MAPT: variants seen among roughly 807,000 people sequenced by gnomAD.
MAPT encodes the protein microtubule-associated protein tau.
A neutral mutation model predicts 67.9 loss-of-function variants in MAPT; 34 were observed. The observed-to-expected ratio is 0.50, with a 90% CI of 0.38 to 0.67. The LOEUF (loss-of-function observed/expected upper bound fraction) is 0.67, where lower values mean the gene tolerates loss of function less well. MAPT is among the 30% of genes least tolerant of loss of function. The pLI is 0.00. For missense variants in MAPT, 881 were observed against 1,115.2 expected, an observed-to-expected ratio of 0.79 and a Z score of 2.99; for synonymous variants, 456 against 464.5, an observed-to-expected ratio of 0.98 and a Z score of 0.23.
At position 45,896,686 on chromosome 17, in the gene MAPT, G is replaced by A. The variant is rs2063258610; in HGVS notation, c.-18+2000G>A. 3 of 152,208 alleles carry A rather than the reference G, an allele frequency of 2.0e-5. No homozygotes were observed. The highest frequency in any genetic ancestry group is 7.2e-5 in the African/African-American group (3 of 41,434). The allele number at this position is 152,208 out of a possible 1,614,324, so 9.4% of individuals were successfully genotyped here. ...TGAGGCTGTTTCTGATTGGCCCCTG[G>A]AGGCCGCAGACACGCAGATAGGCGG... On this transcript the variant is annotated intron_variant, in intron 1 of 12. Coordinates refer to ENST00000262410, the MANE Select transcript of MAPT (RefSeq NM_001377265.1). This position sits in a 1 kb window ranked among gnomAD's most constrained non-coding sequence, Gnocchi z 5.6.
intron 1 of MAPT, among the ~76,000 whole-genome samples, chr17:45,943,140 G>T (rs184228786): frequency 6.6e-6 from 1 of 152,156 alleles, no homozygotes; most frequent in Admixed American, 6.5e-5. Context: ...TGCAACCTCC[G>T]CCTCCCAGGT....
rs1182534991 is a variant in MAPT at position 45,989,408 on chromosome 17, T to C, written c.1408-470T>C. On this transcript the variant is annotated intron_variant, in intron 6 of 12. Transcript: ENST00000262410. ...GCTCACGCCTGTAATCCCAGCACTT[T>C]GGGAGGCCGAGACGGGTGGATCACG... is the stretch of plus-strand genomic sequence containing the variant. Among the ~76,000 whole-genome samples, 4 of 152,084 alleles carry C rather than the reference T, an allele frequency of 2.6e-5. No individual in the cohort carries two copies. The East Asian group carries it at 7.7e-4, about 29-fold the overall frequency.
chr17:45,912,647 A>G (rs562447603), intron 1 of MAPT, among the ~76,000 whole-genome samples: 2 of 152,318 alleles, frequency 1.3e-5, no homozygotes, highest in South Asian at 4.1e-4. Context: ...GAGGGAATGA[A>G]TATCTGTTGT....
At chr17:45,923,289 T>A (rs1347969943) in intron 1 of MAPT, among the ~76,000 whole-genome samples, 2 of 152,152 alleles carry the variant, frequency 1.3e-5, no homozygotes, top group Non-Finnish European at 2.9e-5. Context: ...CCTTTGAGAA[T>A]CAGAGAACTA....
intron 1 of MAPT, among the ~76,000 whole-genome samples, chr17:45,917,090 A>G (rs887080551): frequency 3.9e-5 from 6 of 152,246 alleles, no homozygotes; most frequent in African/African-American, 1.4e-4. Flanking sequence ...TGTTTTACAC[A>G]TGCGTCCCCT....
chr17:45,978,344 AC>A (rs1270393400), intron 3 of MAPT, 30 bp from the exon 4 acceptor site: 5 of 1,566,614 alleles, frequency 3.2e-6, no homozygotes, highest in African/African-American at 1.4e-5. Context: ...TCTTGCTTTT[AC>A]CCCCCTTCAT....
intron 12 of MAPT, among the ~76,000 whole-genome samples, chr17:46,022,353 C>CAAAAAA (rs56222318): frequency 3.3e-5 from 3 of 89,640 alleles, no homozygotes; most frequent in African/African-American, 1.4e-4. Context: ...ATCTTTGTCT[C>CAAAAAA]AAAAAAAAAA....
At chr17:45,986,478 A>T (rs2073553043) in intron 5 of MAPT, among the ~76,000 whole-genome samples, 1 of 152,224 alleles carries the variant, frequency 6.6e-6, no homozygotes, top group South Asian at 2.1e-4. Flanking sequence ...GGTTCCAGGC[A>T]GTTTCCAAGG....
At chr17:45,903,178 G>T (rs967099385) in intron 1 of MAPT, among the ~76,000 whole-genome samples, 2 of 152,160 alleles carry the variant, frequency 1.3e-5, no homozygotes, top group Non-Finnish European at 2.9e-5. Context: ...TCATGGAACC[G>T]TGGGACGGTG....
At chr17:45,918,090 C>G (rs1304274937) in intron 1 of MAPT, among the ~76,000 whole-genome samples, 1 of 152,086 alleles carries the variant, frequency 6.6e-6, no homozygotes, top group African/African-American at 2.4e-5. Flanking sequence ...TTTCATTTTT[C>G]TGTCTGCTTT....
Position 45,962,754 on chromosome 17 carries a change from C to T in MAPT, c.133+284C>T, listed in dbSNP as rs55780945. On this transcript the variant is annotated intron_variant, in intron 2 of 12. Transcript: ENST00000262410. Reference sequence around the variant, plus strand: ...CGGCCTGGGCAACATAGCAAGACCCCGTCTCTAAAATAATTTAAAAATTAG... The same window carrying T: ...CGGCCTGGGCAACATAGCAAGACCCTGTCTCTAAAATAATTTAAAAATTAG... Among the ~76,000 whole-genome samples the T allele has an allele frequency of 0.14, 21,785 of 151,944 alleles. 2,131 individuals carry two copies. The highest frequency in any genetic ancestry group is 0.22 in the Non-Finnish European group (14,749 of 67,934).
chr17:46,001,835 C>A (rs1003389081), intron 9 of MAPT, among the ~76,000 whole-genome samples: 6 of 152,124 alleles, frequency 3.9e-5, no homozygotes, highest in Admixed American at 3.9e-4. Flanking sequence ...GTCACAGCAG[C>A]AGGAGGAATG....
At position 45,962,395 on chromosome 17, in the gene MAPT, T is replaced by C. The variant is rs757284182; in HGVS notation, c.58T>C (p.Leu20=). ...GGAAGATCACGCTGGGACGTACGGG[T>C]TGGGGGACAGGAAAGATCAGGGGGG... ...VMEDHAGTYG[L]GDRKDQGGYT... Residue 20 remains leucine (L), a synonymous_variant, in exon 2 of 13, where the codon TTG becomes CTG. Coordinates refer to ENST00000262410, the MANE Select transcript of MAPT (RefSeq NM_001377265.1). The C allele has an allele frequency of 3.7e-6, 6 of 1,611,994 alleles. No individual in the cohort carries two copies. Among genetic ancestry groups the C allele is most frequent in the African/African-American group, 1.3e-5 (1 of 74,614 alleles).
rs1190836487 is a variant in MAPT at position 45,995,204 on chromosome 17, C to T, written c.1733-1195C>T. Reference sequence around the variant, plus strand: ...GTGTTACAGCAAATGCCTGGGGCAGCGGCAGGGGCATTGCTGCGGGAAGCT... The same window carrying T: ...GTGTTACAGCAAATGCCTGGGGCAGTGGCAGGGGCATTGCTGCGGGAAGCT... On this transcript the variant is annotated intron_variant, in intron 8 of 12. Transcript: ENST00000262410. This position sits in a 1 kb window ranked among gnomAD's most constrained non-coding sequence, Gnocchi z 4.3. 3.3e-5 allele frequency among the ~76,000 whole-genome samples: 5 copies of T among 152,200 alleles called. No individual in the cohort carries two copies. The highest frequency in any genetic ancestry group is 5.9e-5 in the Non-Finnish European group (4 of 68,034).
At position 46,026,131 on chromosome 17, in the gene MAPT, G is replaced by A. The variant is rs372196788; in HGVS notation, c.*1960G>A. On this transcript the variant is annotated 3_prime_UTR_variant, in exon 13 of 13. Transcript: ENST00000262410. ...AGGACGCATGTATCTTGAAATGCTT[G>A]TAAAGAGGTTTCTAACCCACCCTCA... is the stretch of plus-strand genomic sequence containing the variant. 139 of 150,832 alleles carry A rather than the reference G, an allele frequency of 9.2e-4. No homozygotes were observed. The highest frequency in any genetic ancestry group is 7.0e-3 in the Middle Eastern group (2 of 286). 9.3% of individuals were successfully genotyped at this position (150,832 alleles called of 1,614,324 possible).
At chr17:45,937,143 C>T (rs1271916868) in intron 1 of MAPT, among the ~76,000 whole-genome samples, 2 of 152,344 alleles carry the variant, frequency 1.3e-5, no homozygotes, top group East Asian at 1.9e-4. Flanking sequence ...GTGCACTGCT[C>T]TCCTATCTTT....
chr17:46,014,436 T>C (rs552580348), intron 11 of MAPT, 112 bp downstream of exon 11: 1 of 787,360 alleles, frequency 1.3e-6, no homozygotes, highest in African/African-American at 1.7e-5. Context: ...ATATTTTAGG[T>C]AGACCTACAT....
chr17:45,980,384 C>T (rs1469750654), intron 4 of MAPT: 4 of 138,948 alleles, frequency 2.9e-5, no homozygotes, highest in Non-Finnish European at 5.0e-5. Flanking sequence ...ACCTGTAATC[C>T]CAGCTACATG....
intron 2 of MAPT, among the ~76,000 whole-genome samples, chr17:45,970,751 T>C (rs2145447400): frequency 6.6e-6 from 1 of 152,312 alleles, no homozygotes; most frequent in African/African-American, 2.4e-5. Flanking sequence ...AACCCAGCCA[T>C]CTTGCCCCTT....
Sources: allele counts gnomAD v4.1 joint callset (sites outside exome capture counted in the v4.1 genomes callset), GRCh38; gene constraint gnomAD v4.1.1; non-coding constraint Gnocchi (gnomAD v3.1); transcripts MANE v1.5; gene names NCBI Gene and HGNC (gene_info 2026-07-23, HGNC 2026-07-21).